Variants in VCL observed in about 807,000 individuals in gnomAD.
VCL encodes epididymis luminal protein 114.
In VCL, 47 loss-of-function variants were observed where a neutral mutation model predicts 125.7. The ratio of observed to expected loss-of-function variants is 0.37; its 90% CI spans 0.30 to 0.48. VCL has a LOEUF of 0.48. Among genes scored for constraint, VCL ranks in the 20% least tolerant of loss-of-function variants. The pLI, the probability that VCL is intolerant of heterozygous loss-of-function variation, is 0.99. For missense variants in VCL, 1,069 were observed against 1,455.5 expected (o/e 0.73, Z 4.32); for synonymous variants, 458 against 514.6 (o/e 0.89, Z 1.49).
rs558187808 is a variant in VCL at position 74,044,682 on chromosome 10, C to T, written c.239+1529C>T. Among the ~76,000 whole-genome samples the T allele has an allele frequency of 8.5e-5, 13 of 152,288 alleles. No homozygotes were observed. In the South Asian group the frequency reaches 1.5e-3, roughly 17 times the overall value. On this transcript the variant is annotated intron_variant, in intron 2 of 21. Coordinates refer to ENST00000211998, the MANE Select transcript of VCL (RefSeq NM_014000.3). Reference sequence around the variant, plus strand: ...GTCGGGTATGTTCCCTAAAGATACTCGTCCACATGCACACCAGCATCCATA... The same window carrying T: ...GTCGGGTATGTTCCCTAAAGATACTTGTCCACATGCACACCAGCATCCATA...
chr10:74,059,049 C>T (rs1038113561), intron 2 of VCL, among the ~76,000 whole-genome samples: 6 of 152,124 alleles, frequency 3.9e-5, no homozygotes, highest in Non-Finnish European at 8.8e-5. Flanking sequence ...CCTTCTCCAT[C>T]GCAACATTCC....
At position 74,013,813 on chromosome 10, in the gene VCL, TTA is replaced by T. The variant is rs556716797; in HGVS notation, c.168+15440_168+15441del. Among the ~76,000 whole-genome samples the T allele has an allele frequency of 3.3e-5, 5 of 152,344 alleles. No homozygotes were observed. In the South Asian group the frequency reaches 1.0e-3, roughly 32 times the overall value. On this transcript the variant is annotated intron_variant, in intron 1 of 21. Transcript: ENST00000211998. ...TATTCCTGACACAGAGCTAAGAGCT[TTA>T]TGAGTGTTAGATTTTATCATTACTA...
chr10:74,017,046 C>CTTTTTTTTTTTTTTTT (rs549275362), intron 1 of VCL, among the ~76,000 whole-genome samples: 2 of 113,146 alleles, frequency 1.8e-5, no homozygotes, highest in African/African-American at 4.1e-5. Flanking sequence ...AATTTCCTTC[C>CTTTTTTTTTTTTTTTT]TTTTTTTTTT....
chr10:74,087,418 T>C (rs191660137), intron 8 of VCL, among the ~76,000 whole-genome samples: 25,709 of 146,680 alleles, frequency 0.18, 2,427 homozygotes, highest in African/African-American at 0.22. Context: ...TGATCTCGGC[T>C]CACTGCAAGC....
At position 74,070,975 on chromosome 10, in the gene VCL, G is replaced by A; in HGVS notation, c.391G>A (p.Val131Ile). Residue 131 changes from valine to isoleucine, a missense_variant and splice_region_variant, in exon 4 of 22, where the codon GTC becomes ATC. Val to Ile is a conservative substitution (Grantham distance 29). Coordinates refer to ENST00000211998, the MANE Select transcript of VCL (RefSeq NM_014000.3). ...DLLLTFDEAEVRKIIRVCKGI... is the reference protein window; with the variant it reads ...DLLLTFDEAEIRKIIRVCKGI... Reference sequence around the variant, plus strand: ...TGAATACTCTGAAATATTTTTTCAGGTCCGTAAAATTATTAGAGTTTGCAA... The same window carrying A: ...TGAATACTCTGAAATATTTTTTCAGATCCGTAAAATTATTAGAGTTTGCAA... The A allele has an allele frequency of 6.2e-7, 1 of 1,614,048 alleles. No individual in the cohort carries two copies. Among genetic ancestry groups the A allele is most frequent in the Non-Finnish European group, 8.5e-7 (1 of 1,179,946 alleles).
intron 2 of VCL, among the ~76,000 whole-genome samples, chr10:74,061,432 T>G (rs569942903): frequency 6.6e-6 from 1 of 152,356 alleles, no homozygotes; most frequent in Admixed American, 6.5e-5. Context: ...TTCATCTTTT[T>G]CAGTTTCCTT....
intron 8 of VCL, among the ~76,000 whole-genome samples, chr10:74,085,050 T>C (rs1839748932): frequency 6.6e-6 from 1 of 152,240 alleles, no homozygotes; most frequent in Non-Finnish European, 1.5e-5. Context: ...GATAGAACTA[T>C]AGGCATGTGC....
At chr10:74,098,212 C>T (rs1840001215) in intron 13 of VCL, among the ~76,000 whole-genome samples, 2 of 152,168 alleles carry the variant, frequency 1.3e-5, no homozygotes, top group South Asian at 4.1e-4. Flanking sequence ...TTCCAGTCTT[C>T]TCCAGATAAC....
intron 2 of VCL, among the ~76,000 whole-genome samples, chr10:74,049,982 A>G (rs918467304): frequency 6.6e-6 from 1 of 152,198 alleles, no homozygotes; most frequent in Non-Finnish European, 1.5e-5. Flanking sequence ...ATACAGTGGA[A>G]TTTCATTCTT....
chr10:74,006,236 A>G (rs1299579116), intron 1 of VCL, among the ~76,000 whole-genome samples: 3 of 152,206 alleles, frequency 2.0e-5, no homozygotes, highest in African/African-American at 7.2e-5. Flanking sequence ...TTGAATCCAT[A>G]GATGTGGAAC....
At chr10:74,042,386 C>G (rs1841110366) in intron 1 of VCL, among the ~76,000 whole-genome samples, 1 of 152,108 alleles carries the variant, frequency 6.6e-6, no homozygotes, top group Admixed American at 6.5e-5. Flanking sequence ...AAGGTATATT[C>G]TCATAAGTGG....
At chr10:74,024,337 G>A (rs959593828) in intron 1 of VCL, among the ~76,000 whole-genome samples, 1 of 152,122 alleles carries the variant, frequency 6.6e-6, no homozygotes, top group Middle Eastern at 3.2e-3. Flanking sequence ...CCGGCTGGGC[G>A]CAGTGGCTCA....
chr10:74,102,117 G>A (rs1352841635), intron 14 of VCL, among the ~76,000 whole-genome samples: 4 of 151,890 alleles, frequency 2.6e-5, no homozygotes, highest in East Asian at 1.9e-4. Context: ...CGCCCACCTC[G>A]GCCTCCCAAA....
chr10:74,030,559 G>C (rs1459027286), intron 1 of VCL, among the ~76,000 whole-genome samples: 2 of 152,188 alleles, frequency 1.3e-5, no homozygotes, highest in Non-Finnish European at 2.9e-5. Flanking sequence ...GGGTTGCTTA[G>C]TATAGAAATG....
intron 20 of VCL, 32 bp from the exon 21 acceptor site, chr10:74,114,761 CAG>C (rs1351454927): frequency 6.4e-7 from 1 of 1,567,642 alleles, no homozygotes; most frequent in East Asian, 2.3e-5. Context: ...GCAAGGCAAA[CAG>C]AGAAACATAC....
chr10:74,005,561 CAG>C (rs1429040476), intron 1 of VCL, among the ~76,000 whole-genome samples: 1 of 152,014 alleles, frequency 6.6e-6, no homozygotes, highest in East Asian at 1.9e-4. Context: ...CAGCCAGAGA[CAG>C]AGATATATTT....
chr10:74,052,400 G>A (rs1250486331), intron 2 of VCL, among the ~76,000 whole-genome samples: 20 of 132,376 alleles, frequency 1.5e-4, no homozygotes, highest in Non-Finnish European at 2.6e-4. Context: ...TTTTTGAGAC[G>A]GAGTCTCACT....
At chr10:74,039,852 C>T (rs920355262) in intron 1 of VCL, among the ~76,000 whole-genome samples, 39 of 152,168 alleles carry the variant, frequency 2.6e-4, no homozygotes, top group African/African-American at 7.7e-4. Context: ...TACTGATAAA[C>T]GATTCCAAAT....
chr10:74,057,359 C>A (rs1841406877), intron 2 of VCL, among the ~76,000 whole-genome samples: 1 of 152,034 alleles, frequency 6.6e-6, no homozygotes, highest in Non-Finnish European at 1.5e-5. Context: ...GTTGCTGATG[C>A]CTGAAATTTT....
Sources: gnomAD v4.1 joint callset for allele counts (sites outside exome capture counted in the v4.1 genomes callset) on GRCh38, gnomAD v4.1.1 for gene constraint, MANE v1.5 for transcripts, NCBI Gene and HGNC (gene_info 2026-07-23, HGNC 2026-07-21) for gene names.